RBFOX1: variants seen among roughly 807,000 people sequenced by gnomAD.
RBFOX1 encodes the protein RNA binding protein fox-1 homolog 1.
RBFOX1 carries 8 observed loss-of-function variants against 57.7 expected under a neutral mutation model. The observed-to-expected ratio is 0.14, with a 90% CI of 0.08 to 0.25. The LOEUF is 0.25. Among genes scored for constraint, RBFOX1 ranks in the 10% least tolerant of loss-of-function variants. RBFOX1 has a pLI of 1.00. For missense variants in RBFOX1, 611 were observed against 548.5 expected (o/e 1.11, Z -1.14); for synonymous variants, 326 against 222.4 (o/e 1.47, Z -4.15).
intron 3 of RBFOX1, among the ~76,000 whole-genome samples, chr16:5,778,016 C>T (rs958768453): frequency 6.6e-6 from 1 of 152,170 alleles, no homozygotes; most frequent in East Asian, 1.9e-4. Context: ...CATTAAGATA[C>T]ATGCTCAGAA....
intron 2 of RBFOX1, among the ~76,000 whole-genome samples, chr16:6,502,305 C>G (rs75721674): frequency 0.11 from 17,087 of 152,134 alleles, 1,788 homozygotes; most frequent in East Asian, 0.43. Flanking sequence ...ACCTGGCATG[C>G]CACCTTTAAG....
At chr16:5,307,286 G>C (rs11639571) in intron 1 of RBFOX1, among the ~76,000 whole-genome samples, 1 of 152,138 alleles carries the variant, frequency 6.6e-6, no homozygotes, top group Non-Finnish European at 1.5e-5. Context: ...CTGGCACTCA[G>C]GTGTGCAAAC....
At chr16:7,248,115 A>G (rs1400125851) in intron 4 of RBFOX1, among the ~76,000 whole-genome samples, 1 of 152,244 alleles carries the variant, frequency 6.6e-6, no homozygotes, top group Admixed American at 6.5e-5. Context: ...AGAACTGTGA[A>G]TGAAGGCAAA....
chr16:6,189,882 A>T (rs977193877), intron 1 of RBFOX1, among the ~76,000 whole-genome samples: 3 of 152,090 alleles, frequency 2.0e-5, no homozygotes, highest in African/African-American at 7.2e-5. Flanking sequence ...CCAATTGTCC[A>T]TGTTTGCTTT....
At chr16:6,895,889 T>G (rs563412594) in intron 3 of RBFOX1, among the ~76,000 whole-genome samples, 1 of 152,208 alleles carries the variant, frequency 6.6e-6, no homozygotes, top group East Asian at 1.9e-4. Flanking sequence ...TCCTCTTATG[T>G]CATCTTTTTG....
chr16:5,523,899 C>T (rs2044127563), intron 2 of RBFOX1, among the ~76,000 whole-genome samples: 3 of 152,144 alleles, frequency 2.0e-5, no homozygotes, highest in African/African-American at 4.8e-5. Context: ...CATCCTGGTT[C>T]GGCTGCACAG....
chr16:7,164,535 G>C lies in RBFOX1; in HGVS notation c.27+112437G>C, dbSNP rs534501682. ...GTGTCTTTTGCAAAAATCCAAACCAGAAAAGAGTAAAATTTATATACTATG... is the reference window on the plus strand; with the variant it reads ...GTGTCTTTTGCAAAAATCCAAACCACAAAAGAGTAAAATTTATATACTATG... On this transcript the variant is annotated intron_variant, in intron 4 of 15. Transcript: ENST00000550418. Among the ~76,000 whole-genome samples the C allele has an allele frequency of 2.0e-5, 3 of 152,282 alleles. No individual in the cohort carries two copies. The South Asian group carries it at 6.2e-4, about 32-fold the overall frequency.
At chr16:7,611,576 T>A (rs2057473340) in intron 10 of RBFOX1, among the ~76,000 whole-genome samples, 1 of 146,580 alleles carries the variant, frequency 6.8e-6, no homozygotes, top group Admixed American at 6.8e-5. Flanking sequence ...CAAAACTCTG[T>A]CTCAAAAAAA....
At chr16:5,949,693 T>G (rs2059480767) in intron 4 of RBFOX1, among the ~76,000 whole-genome samples, 1 of 152,202 alleles carries the variant, frequency 6.6e-6, no homozygotes, top group African/African-American at 2.4e-5. Context: ...CCATTTGTTT[T>G]GTAGAACAGC....
At chr16:7,180,031 C>T (rs2082390066) in intron 4 of RBFOX1, among the ~76,000 whole-genome samples, 1 of 152,094 alleles carries the variant, frequency 6.6e-6, no homozygotes, top group Admixed American at 6.6e-5. Context: ...GCTTGAGCCA[C>T]TGAGTCCAGA....
intron 2 of RBFOX1, among the ~76,000 whole-genome samples, chr16:6,502,057 T>C (rs1217986742): frequency 6.6e-6 from 1 of 152,186 alleles, no homozygotes; most frequent in Non-Finnish European, 1.5e-5. Context: ...CCTGGTTTCC[T>C]AGTTTCCAGG....
At chr16:7,371,431 G>GA (rs2097563545) in intron 4 of RBFOX1, among the ~76,000 whole-genome samples, 1 of 152,242 alleles carries the variant, frequency 6.6e-6, no homozygotes, top group African/African-American at 2.4e-5. Flanking sequence ...TTAGGAGAAA[G>GA]AAAAAAGCAC....
chr16:6,044,438 C>T (rs1279713631), intron 1 of RBFOX1, among the ~76,000 whole-genome samples: 5 of 151,084 alleles, frequency 3.3e-5, no homozygotes, highest in Non-Finnish European at 5.9e-5. Flanking sequence ...CTTCCATATT[C>T]GCAAGATGTG....
chr16:6,336,717 T>C (rs2152818254), intron 2 of RBFOX1, among the ~76,000 whole-genome samples: 1 of 152,168 alleles, frequency 6.6e-6, no homozygotes, highest in East Asian at 1.9e-4. Flanking sequence ...GATGAGATGA[T>C]AGATGTGGAG....
intron 1 of RBFOX1, among the ~76,000 whole-genome samples, chr16:6,291,742 G>T (rs1352696561): frequency 6.6e-6 from 1 of 152,178 alleles, no homozygotes; most frequent in East Asian, 1.9e-4. Context: ...CATGAAAATT[G>T]TATACTTCTC....
At chr16:6,777,209 C>G (rs1012529977) in intron 3 of RBFOX1, among the ~76,000 whole-genome samples, 10 of 152,066 alleles carry the variant, frequency 6.6e-5, no homozygotes, top group African/African-American at 2.4e-4. Context: ...TGATCTAGTA[C>G]TGTAGGTAAT....
chr16:6,043,312 C>T (rs1320246582), intron 1 of RBFOX1, among the ~76,000 whole-genome samples: 1 of 152,048 alleles, frequency 6.6e-6, no homozygotes, highest in African/African-American at 2.4e-5. Context: ...CAGGGAAGTC[C>T]TGGCTGCATT....
intron 2 of RBFOX1, among the ~76,000 whole-genome samples, chr16:6,603,525 A>G (rs907828350): frequency 7.2e-5 from 11 of 152,208 alleles, no homozygotes; most frequent in Non-Finnish European, 1.6e-4. Context: ...GGAGAGCTTT[A>G]GAAAACATGC....
chr16:5,738,863 G>T (rs2052675179), intron 3 of RBFOX1, among the ~76,000 whole-genome samples: 1 of 152,088 alleles, frequency 6.6e-6, no homozygotes, highest in Non-Finnish European at 1.5e-5. Context: ...CTTAGCTAGA[G>T]GGGTTTCCTT....
Sources: gnomAD v4.1 joint callset for allele counts (sites outside exome capture counted in the v4.1 genomes callset) on GRCh38, gnomAD v4.1.1 for gene constraint, MANE v1.5 for transcripts, NCBI Gene and HGNC (gene_info 2026-07-23, HGNC 2026-07-21) for gene names.